The following ALDH1L1 variants were observed in gnomAD, a reference collection of about 807,000 sequenced individuals.
The protein encoded by ALDH1L1 is cytosolic 10-formyltetrahydrofolate dehydrogenase.
ALDH1L1 carries 68 observed loss-of-function variants against 101.1 expected under a neutral mutation model. The observed-to-expected ratio is 0.67, with a 90% confidence interval of 0.55 to 0.82. ALDH1L1 has a LOEUF of 0.82. Ranked by LOEUF, ALDH1L1 falls within the 40% of genes least tolerant of loss-of-function variation. The pLI, the probability that ALDH1L1 is intolerant of heterozygous loss-of-function variation, is 0.00. For synonymous variants in ALDH1L1, 486 were observed against 470.8 expected (o/e 1.03, Z -0.42); for missense variants, 1,087 against 1,172.7 (o/e 0.93, Z 1.07).
At chr3:126,180,685 G>A, upstream of ALDH1L1, 1 of 1,376,446 alleles carries the variant, frequency 7.3e-7, no homozygotes, top group Non-Finnish European at 9.4e-7. Flanking sequence ...GCTCACCGGT[G>A]GTGGGACTAT....
At chr3:126,197,363 A>AT (rs916950402) in intron 1 of ALDH1L1, among the ~76,000 whole-genome samples, 4 of 152,080 alleles carry the variant, frequency 2.6e-5, no homozygotes, top group African/African-American at 9.7e-5. Flanking sequence ...TAGCCAATGA[A>AT]TTTTTTTTCC....
At chr3:126,183,321 A>G (rs1002650353), upstream of ALDH1L1, among the ~76,000 whole-genome samples, 1 of 152,214 alleles carries the variant, frequency 6.6e-6, no homozygotes, top group Non-Finnish European at 1.5e-5. Context: ...CAACATTTTT[A>G]AAAGAATTAT....
At chr3:126,134,707 G>T (rs1383853265) in intron 12 of ALDH1L1, among the ~76,000 whole-genome samples, 1 of 152,186 alleles carries the variant, frequency 6.6e-6, no homozygotes, top group African/African-American at 2.4e-5. Context: ...CATTCTGACC[G>T]CAAGGCCAAG....
intron 16 of ALDH1L1, among the ~76,000 whole-genome samples, chr3:126,119,809 TG>T (rs2080043106): frequency 6.6e-6 from 1 of 152,078 alleles, no homozygotes; most frequent in Non-Finnish European, 1.5e-5. Flanking sequence ...CACTAAAAAC[TG>T]GGCAAAAGAC....
At chr3:126,158,301 C>T (rs2080958359) in intron 3 of ALDH1L1, 104 bp downstream of exon 3, 1 of 1,152,760 alleles carries the variant, frequency 8.7e-7, no homozygotes, top group Non-Finnish European at 1.2e-6. Flanking sequence ...GCACGATGCC[C>T]ACTCTGCAGC....
intron 17 of ALDH1L1, chr3:126,114,986 C>T: frequency 2.1e-6 from 1 of 471,220 alleles, no homozygotes; most frequent in South Asian, 1.5e-5. Flanking sequence ...CCTGCCTGTG[C>T]ACCCCATCTG....
At chr3:126,138,437 GA>G (rs2080498404) in intron 9 of ALDH1L1, among the ~76,000 whole-genome samples, 3 of 152,188 alleles carry the variant, frequency 2.0e-5, no homozygotes, top group Admixed American at 2.0e-4. Flanking sequence ...TCAATACTAA[GA>G]AAGCAAACAA....
At chr3:126,158,377 G>A in intron 3 of ALDH1L1, 28 bp downstream of exon 3, 1 of 1,520,988 alleles carries the variant, frequency 6.6e-7, no homozygotes, top group Non-Finnish European at 8.9e-7. Flanking sequence ...GTATGGGGAT[G>A]GCCCCCTGTG....
intron 17 of ALDH1L1, chr3:126,115,412 G>A (rs2079942091): frequency 1.0e-5 from 2 of 192,460 alleles, no homozygotes; most frequent in Non-Finnish European, 2.2e-5. Context: ...GTGTGACACG[G>A]CTGCCTGGGA....
chr3:126,186,365 A>G (rs905713196), upstream of ALDH1L1, among the ~76,000 whole-genome samples: 1 of 152,156 alleles, frequency 6.6e-6, no homozygotes, highest in African/African-American at 2.4e-5. Context: ...AGTGTGAGGA[A>G]ATCACCCACC....
chr3:126,188,606 G>T (rs1187050079), intron 1 of ALDH1L1, among the ~76,000 whole-genome samples: 1 of 152,140 alleles, frequency 6.6e-6, no homozygotes, highest in Non-Finnish European at 1.5e-5. Context: ...AAAACTTAGG[G>T]CATCAGCGCT....
chr3:126,175,395 A>T (rs1217523393), intron 1 of ALDH1L1, among the ~76,000 whole-genome samples: 1 of 152,162 alleles, frequency 6.6e-6, no homozygotes, highest in African/African-American at 2.4e-5. Flanking sequence ...TGGTACCAAA[A>T]CCAGAAACAT....
intron 18 of ALDH1L1, among the ~76,000 whole-genome samples, chr3:126,113,561 C>T (rs534508627): frequency 7.4e-4 from 113 of 152,300 alleles, no homozygotes; most frequent in African/African-American, 2.6e-3. Flanking sequence ...AGGGCCCCGA[C>T]CTCCAGCTCA....
upstream of ALDH1L1, among the ~76,000 whole-genome samples, chr3:126,183,719 G>T (rs1316944252): frequency 1.3e-5 from 2 of 152,170 alleles, no homozygotes; most frequent in African/African-American, 4.8e-5. Context: ...GGTGGGTGCA[G>T]GGGGGAGGCG....
At chr3:126,114,297 A>G (rs1442203584) in intron 18 of ALDH1L1, among the ~76,000 whole-genome samples, 8 of 152,198 alleles carry the variant, frequency 5.3e-5, no homozygotes, top group Non-Finnish European at 1.2e-4. Flanking sequence ...ATTTATATGT[A>G]ATACACACAC....
intron 8 of ALDH1L1, among the ~76,000 whole-genome samples, chr3:126,148,496 C>T (rs2080742197): frequency 6.6e-6 from 1 of 152,190 alleles, no homozygotes; most frequent in African/African-American, 2.4e-5. Context: ...GGCCATGTCC[C>T]CTCTATCACA....
At chr3:126,150,349 C>G (rs553761648) in intron 8 of ALDH1L1, 57 bp downstream of exon 8, 2 of 1,534,638 alleles carry the variant, frequency 1.3e-6, no homozygotes, top group Admixed American at 2.0e-5. Context: ...ATTTGCAGAA[C>G]ACATGTGCAC....
intron 17 of ALDH1L1, chr3:126,115,182 G>C (rs1461025694): frequency 1.7e-5 from 7 of 422,072 alleles, no homozygotes; most frequent in Admixed American, 7.6e-5. Context: ...AGCTGCAGGG[G>C]CCCAGAGGCT....
rs1274047926 is a variant in ALDH1L1 at position 126,180,500 on chromosome 3, T to A, written c.-48A>T. On this transcript the variant is annotated 5_prime_UTR_variant, in exon 1 of 23. Coordinates refer to ENST00000393434, the MANE Select transcript of ALDH1L1 (RefSeq NM_012190.4). ...CCGCGCGCAGGAGTTGGTGCGGGCG[T>A]CCCGGGCAGGTTAGACTTCTGTGAG... 11 of 999,538 alleles carry A rather than the reference T, an allele frequency of 1.1e-5. No homozygotes were observed. The highest frequency in any genetic ancestry group is 1.3e-5 in the Non-Finnish European group (11 of 838,374). The allele number at this position is 999,538 out of a possible 1,614,324, so 61.9% of individuals were successfully genotyped here.
Sources: allele counts gnomAD v4.1 joint callset (sites outside exome capture counted in the v4.1 genomes callset), GRCh38; gene constraint gnomAD v4.1.1; transcripts MANE v1.5; gene names NCBI Gene and HGNC (gene_info 2026-07-23, HGNC 2026-07-21).